HOXA7: variants seen among roughly 807,000 people sequenced by gnomAD.
HOXA7 encodes homeobox protein Hox-A7.
A neutral mutation model predicts 16.8 loss-of-function variants in HOXA7; 16 were observed. The ratio of observed to expected loss-of-function variants is 0.95; its 90% CI spans 0.64 to 1.44. The LOEUF (loss-of-function observed/expected upper bound fraction) is 1.44. HOXA7 is among the 40% of genes most tolerant of loss of function. The pLI is 0.00. For missense variants in HOXA7, 379 were observed against 328.6 expected (o/e 1.15, Z -1.19); for synonymous variants, 169 against 144.3 (o/e 1.17, Z -1.23).
In HOXA7 at chr7:27,155,009, G is replaced by T; in HGVS notation, c.593C>A (p.Ala198Glu). Residue 198 changes from alanine (A) to glutamate (E), a missense_variant, in exon 2 of 2, where the codon GCA becomes GAA. Physicochemically the swap from Ala to Glu is moderately radical, Grantham distance 107. Transcript: ENST00000242159. ...AGAGGGCACGGCGCCCTCGGGAGCT[G>T]CGGCGGCAGTCGGACCTTCGTCCTT... ...EHKDEGPTAA[A>E]APEGAVPSAA... 1 of 1,614,062 alleles carries T rather than the reference G, an allele frequency of 6.2e-7. No individual in the cohort carries two copies. Among genetic ancestry groups the T allele is most frequent in the African/African-American group, 1.3e-5 (1 of 75,062 alleles).
In HOXA7 at chr7:27,155,076, TC is replaced by T; in HGVS notation, c.525del (p.Ile176SerfsTer8). The T allele has an allele frequency of 6.2e-7, 1 of 1,614,214 alleles. No individual in the cohort carries two copies. ...HALCLTERQI[K>X]IWFQNRRMKW... ...TTCATGCGGCGGTTCTGGAACCAGA[TC>T]TTAATCTGGCGCTCGGTGAGGCAGA... On this transcript the variant is annotated frameshift_variant, in exon 2 of 2. Coordinates refer to ENST00000242159, the MANE Select transcript of HOXA7 (RefSeq NM_006896.4). LOFTEE classifies it high-confidence loss of function.
chr7:27,155,040 C>T lies in HOXA7; in HGVS notation c.562G>A (p.Glu188Lys). 1 of 1,614,222 alleles carries T rather than the reference C, an allele frequency of 6.2e-7. No individual in the cohort carries two copies. Among genetic ancestry groups the T allele is most frequent in the East Asian group, 2.2e-5 (1 of 44,880 alleles). The change falls in exon 2 of 2, where the codon GAG becomes AAG. Residue 188 changes from glutamate to lysine, a missense_variant. By Grantham distance (56) the Glu-to-Lys change is moderately conservative (BLOSUM62 1). Coordinates refer to ENST00000242159, the MANE Select transcript of HOXA7 (RefSeq NM_006896.4). ...GCAGTCGGACCTTCGTCCTTATGCT[C>T]TTTCTTCCACTTCATGCGGCGGTTC... ...FQNRRMKWKK[E>K]HKDEGPTAAA...
Position 27,154,951 on chromosome 7 carries a change from G to A in HOXA7, c.651C>T (p.Asp217=), listed in dbSNP as rs370786847. 10 of 1,612,640 alleles carry A rather than the reference G, an allele frequency of 6.2e-6. No individual in the cohort carries two copies. The highest frequency in any genetic ancestry group is 1.3e-5 in the African/African-American group (1 of 74,848). ...CCTCTTCTTCATCATCGTCCTCCTCGTCGGCCTTGTCCGCGGCAGCAGTGG... is the reference window on the plus strand; with the variant it reads ...CCTCTTCTTCATCATCGTCCTCCTCATCGGCCTTGTCCGCGGCAGCAGTGG... ...AAATAAADKA[D]EEDDDEEEED... The change falls in exon 2 of 2, where the codon GAC becomes GAT. Residue 217 remains aspartate, a synonymous_variant. Transcript: ENST00000242159.
At position 27,154,461 on chromosome 7, in the gene HOXA7, G is replaced by C. The variant is rs1783064286; in HGVS notation, c.*448C>G. ...GTTTTAGGGGAGTAGGTAGTAGTGA[G>C]ATTCACTTTCTTGCGGGTCTGGGAG... On this transcript the variant is annotated 3_prime_UTR_variant, in exon 2 of 2. Transcript: ENST00000242159. The C allele has an allele frequency of 6.1e-6, 1 of 164,342 alleles. No homozygotes were observed. Among genetic ancestry groups the C allele is most frequent in the Non-Finnish European group, 1.3e-5 (1 of 74,860 alleles). The allele number at this position is 164,342 out of a possible 1,614,324, so 10.2% of individuals were successfully genotyped here.
rs1036333830 is a variant in HOXA7, at chr7:27,156,664, G to A, written c.-119C>T. 9 of 1,122,004 alleles carry A rather than the reference G, an allele frequency of 8.0e-6. No individual in the cohort carries two copies. The highest frequency in any genetic ancestry group is 2.4e-5 in the East Asian group (1 of 41,116). 69.5% of individuals were successfully genotyped at this position (1,122,004 alleles called of 1,614,324 possible). A position where few individuals can be genotyped will look rare whatever the true frequency, so the allele number is the denominator to read the frequency against. ...CAAACCCCATTTTCTTTTGGACGGAGCTCGCCGCAGCACGTGACCGCCCAC... is the reference window on the plus strand; with the variant it reads ...CAAACCCCATTTTCTTTTGGACGGAACTCGCCGCAGCACGTGACCGCCCAC... On this transcript the variant is annotated 5_prime_UTR_variant, in exon 1 of 2. Transcript: ENST00000242159.
chr7:27,156,025 C>T (rs1270870070), intron 1 of HOXA7, 142 bp downstream of exon 1: 5 of 973,990 alleles, frequency 5.1e-6, no homozygotes, highest in East Asian at 3.1e-5. Context: ...AAAGGCTGCG[C>T]CGGGAGTCAC....
In HOXA7 at chr7:27,155,135, G is replaced by C. The variant is rs559344881; in HGVS notation, c.467C>G (p.Thr156Arg). ...GGCGATTTCAATGCGGCGGCGCCGC[G>C]TCAGGTAGCGGTTGAAGTGGAACTC... ...EKEFHFNRYL[T>R]RRRRIEIAHA... The change falls in exon 2 of 2, where the codon ACG becomes AGG. Residue 156 changes from threonine to arginine, a missense_variant. Thr to Arg is a moderately conservative substitution (Grantham distance 71, BLOSUM62 -1). Coordinates refer to ENST00000242159, the MANE Select transcript of HOXA7 (RefSeq NM_006896.4). 1 of 1,614,258 alleles carries C rather than the reference G, an allele frequency of 6.2e-7. No individual in the cohort carries two copies. Among genetic ancestry groups the C allele is most frequent in the South Asian group, 1.1e-5 (1 of 91,092 alleles).
At chr7:27,155,337 C>T (rs1783087936) in intron 1 of HOXA7, 115 bp from the exon 2 acceptor site, 1 of 964,180 alleles carries the variant, frequency 1.0e-6, no homozygotes, top group African/African-American at 1.6e-5. Context: ...CAGCGAGCAT[C>T]CCCCTCTGCC....
Sources: allele counts gnomAD v4.1 joint callset, GRCh38; gene constraint gnomAD v4.1.1; transcripts MANE v1.5; gene names NCBI Gene and HGNC (gene_info 2026-07-23, HGNC 2026-07-21).